Variants in MPRIP observed in about 807,000 individuals in gnomAD.
MPRIP encodes the protein myosin phosphatase Rho interacting protein, also known as myosin phosphatase Rho-interacting protein.
A neutral mutation model predicts 234.9 loss-of-function variants in MPRIP; 59 were observed. That is an observed-to-expected ratio of 0.25 (90% confidence interval 0.20 to 0.31). The LOEUF (loss-of-function observed/expected upper bound fraction) is 0.31. MPRIP is among the 10% of genes least tolerant of loss of function. The pLI, the probability that MPRIP is intolerant of heterozygous loss-of-function variation, is 1.00. For synonymous variants in MPRIP, 1,144 were observed against 1,263.9 expected (o/e 0.91, Z 2.01); for missense variants, 2,436 against 3,071.0 (o/e 0.79, Z 4.89).
Position 17,188,315 on chromosome 17 carries a change from C to T in MPRIP, c.*3421C>T, listed in dbSNP as rs1269673980. On this transcript the variant is annotated 3_prime_UTR_variant, in exon 24 of 24. Transcript: ENST00000651222. ...CCAGGGCGACTAGAGGTGGCAGTAT[C>T]GCGAATTTGCAGGTTTATTGAACAA... 1.3e-5 allele frequency: 2 copies of T among 152,296 alleles called. No individual in the cohort carries two copies. The highest frequency in any genetic ancestry group is 6.5e-5 in the Admixed American group (1 of 15,286). 9.4% of individuals were successfully genotyped at this position (152,296 alleles called of 1,614,324 possible). A position where few individuals can be genotyped will look rare whatever the true frequency, so the allele number is the denominator to read the frequency against.
At chr17:17,085,559 T>G (rs2089569760) in intron 3 of MPRIP, among the ~76,000 whole-genome samples, 1 of 152,210 alleles carries the variant, frequency 6.6e-6, no homozygotes, top group Admixed American at 6.5e-5. Flanking sequence ...ATTTGAAGTT[T>G]TGGAATATTT....
chr17:17,139,978 A>C (rs2090779371), intron 7 of MPRIP, among the ~76,000 whole-genome samples: 1 of 152,272 alleles, frequency 6.6e-6, no homozygotes. Context: ...ACTTCTCAAC[A>C]ATGGATAGCT....
chr17:17,143,793 G>T (rs533423994), intron 9 of MPRIP, 124 bp downstream of exon 9: 15 of 507,572 alleles, frequency 3.0e-5, no homozygotes, highest in Non-Finnish European at 5.0e-5. Flanking sequence ...CCTCGTGTCC[G>T]TGAGCACCCC....
At chr17:17,062,774 G>C (rs116807601) in intron 1 of MPRIP, among the ~76,000 whole-genome samples, 1 of 152,250 alleles carries the variant, frequency 6.6e-6, no homozygotes, top group African/African-American at 2.4e-5. Context: ...TCTCTGTTGG[G>C]TGTTGAGCTC....
At chr17:17,132,580 G>A (rs761224146) in intron 5 of MPRIP, among the ~76,000 whole-genome samples, 41 of 152,184 alleles carry the variant, frequency 2.7e-4, no homozygotes, top group Non-Finnish European at 2.5e-4. Context: ...GCCAGCCCAC[G>A]GGCTACAGAG....
chr17:17,095,023 C>T (rs537325717), intron 3 of MPRIP, among the ~76,000 whole-genome samples: 1 of 152,224 alleles, frequency 6.6e-6, no homozygotes, highest in African/African-American at 2.4e-5. Flanking sequence ...TCTGTGGCTT[C>T]GTTTTGCCTG....
chr17:17,185,220 C>T lies in MPRIP; in HGVS notation c.*326C>T, dbSNP rs1357595520. On this transcript the variant is annotated 3_prime_UTR_variant, in exon 24 of 24. Coordinates refer to ENST00000651222, the MANE Select transcript of MPRIP (RefSeq NM_001364716.4). The stretch of plus-strand genomic sequence containing the variant: ...ACTGTCAGTATTAAGGCCCAGCAGC[C>T]TGTTGATAAGCTACCCTGTCTCACC... 8.9e-6 allele frequency: 3 copies of T among 337,664 alleles called. No individual in the cohort carries two copies. Among genetic ancestry groups the T allele is most frequent in the Non-Finnish European group, 1.8e-5 (3 of 171,212 alleles). The allele number at this position is 337,664 out of a possible 1,614,324, so 20.9% of individuals were successfully genotyped here. A position where few individuals can be genotyped will look rare whatever the true frequency, so the allele number is the denominator to read the frequency against.
intron 3 of MPRIP, among the ~76,000 whole-genome samples, chr17:17,099,358 A>G (rs1338599454): frequency 6.6e-6 from 1 of 152,154 alleles, no homozygotes; most frequent in East Asian, 1.9e-4. Flanking sequence ...GTGAAAACCC[A>G]TGAGGAAATG....
intron 22 of MPRIP, chr17:17,178,411 G>A (rs1212594403): frequency 6.6e-6 from 1 of 152,216 alleles, no homozygotes; most frequent in Non-Finnish European, 1.5e-5. Context: ...AATACCTTGA[G>A]TAGTCAGGCT....
Position 17,078,023 on chromosome 17 carries a change from CG to C in MPRIP, c.216del (p.Phe73SerfsTer28). 1 of 1,614,164 alleles carries C rather than the reference CG, an allele frequency of 6.2e-7. No individual in the cohort carries two copies. Among genetic ancestry groups the C allele is most frequent in the Non-Finnish European group, 8.5e-7 (1 of 1,180,024 alleles). ...PVHRSRKWQR[R>X]FFILYEHGLL... ...TGCTCCGTTGCAGAAATGGCAGCGA[CG>C]GTTCTTCATCCTTTACGAGCACGGC... On this transcript the variant is annotated frameshift_variant, in exon 3 of 24. Coordinates refer to ENST00000651222, the MANE Select transcript of MPRIP (RefSeq NM_001364716.4). LOFTEE classifies it high-confidence loss of function. The surrounding 1 kb of genome is among the most constrained non-coding windows in gnomAD (Gnocchi z 4.3).
intron 1 of MPRIP, chr17:17,057,635 G>A (rs1474593516): frequency 2.8e-6 from 2 of 717,932 alleles, no homozygotes; most frequent in Non-Finnish European, 2.6e-6. Flanking sequence ...TTCTTTGGCA[G>A]CAAAACACCC....
At chr17:17,184,711 C>T (rs376883616) in intron 23 of MPRIP, 112 bp from the exon 24 acceptor site, 130 of 743,444 alleles carry the variant, frequency 1.7e-4, no homozygotes, top group East Asian at 1.5e-3. Flanking sequence ...CACCTGCACC[C>T]GGCTCTCTGA....
At chr17:17,172,003 T>A in intron 17 of MPRIP, 138 bp downstream of exon 17, 1 of 1,099,994 alleles carries the variant, frequency 9.1e-7, no homozygotes, top group African/African-American at 1.6e-5. Context: ...GTTCTTTGAC[T>A]ATTCACTCTG....
intron 16 of MPRIP, chr17:17,171,473 C>T (rs889032764): frequency 1.0e-5 from 5 of 485,800 alleles, no homozygotes; most frequent in African/African-American, 5.8e-5. Context: ...GGGCACAGTA[C>T]AGTCACAGAA....
chr17:17,089,313 C>G (rs1049261365), intron 3 of MPRIP, among the ~76,000 whole-genome samples: 1 of 152,224 alleles, frequency 6.6e-6, no homozygotes, highest in Non-Finnish European at 1.5e-5. Flanking sequence ...CCCCTCTCCA[C>G]TGTTTGCAGG....
At chr17:17,103,887 CT>C (rs1597808501) in intron 3 of MPRIP, among the ~76,000 whole-genome samples, 3 of 152,120 alleles carry the variant, frequency 2.0e-5, no homozygotes. Flanking sequence ...AGTAAAGCCT[CT>C]TTGTTCCTTT....
rs267604759 is a variant in MPRIP at position 17,136,405 on chromosome 17, C to T, written c.691C>T (p.Pro231Ser). 2.5e-6 allele frequency: 4 copies of T among 1,610,060 alleles called. No individual in the cohort carries two copies. Among genetic ancestry groups the T allele is most frequent in the Middle Eastern group, 1.7e-4 (1 of 6,058 alleles). ...TCAGAGTCCCAGCCAGAGCCAGCCTCCTGCTGCCAGCTCCCTGCGGGAACC... is the reference window on the plus strand; with the variant it reads ...TCAGAGTCCCAGCCAGAGCCAGCCTTCTGCTGCCAGCTCCCTGCGGGAACC... ...PAQSPSQSQP[P>S]AASSLREPGL... Residue 231 changes from proline (P) to serine (S), a missense_variant, in exon 6 of 24, where the codon CCT becomes TCT. Transcript: ENST00000651222.
chr17:17,152,629 A>T (rs2045628033), intron 12 of MPRIP, among the ~76,000 whole-genome samples: 1 of 152,204 alleles, frequency 6.6e-6, no homozygotes, highest in Non-Finnish European at 1.5e-5. Flanking sequence ...TGGCACAGAG[A>T]GCACAGAGCC....
intron 4 of MPRIP, among the ~76,000 whole-genome samples, chr17:17,129,232 T>C (rs942781205): frequency 1.3e-5 from 2 of 152,080 alleles, no homozygotes; most frequent in African/African-American, 4.8e-5. Flanking sequence ...TCTTCTGTGC[T>C]CTCAGCTGGG....
Sources: gnomAD v4.1 joint callset for allele counts (sites outside exome capture counted in the v4.1 genomes callset) on GRCh38, gnomAD v4.1.1 for gene constraint, Gnocchi (gnomAD v3.1) non-coding constraint, MANE v1.5 for transcripts, NCBI Gene and HGNC (gene_info 2026-07-23, HGNC 2026-07-21) for gene names.